Variants in PTPN4 observed in about 807,000 individuals in gnomAD.
PTPN4 encodes the protein tyrosine-protein phosphatase non-receptor type 4.
In PTPN4, 49 loss-of-function variants were observed where a neutral mutation model predicts 135.5. The observed-to-expected ratio is 0.36, with a 90% CI of 0.29 to 0.46. The LOEUF (loss-of-function observed/expected upper bound fraction) is 0.46. Ranked by LOEUF, PTPN4 falls within the 20% of genes least tolerant of loss-of-function variation. The pLI is 1.00. For missense variants in PTPN4, 860 were observed against 1,101.0 expected (o/e 0.78, Z 3.10); for synonymous variants, 333 against 369.9 (o/e 0.90, Z 1.14).
At chr2:119,933,654 C>A (rs1416864104) in intron 14 of PTPN4, among the ~76,000 whole-genome samples, 2 of 147,014 alleles carry the variant, frequency 1.4e-5, no homozygotes, top group Non-Finnish European at 3.0e-5. Flanking sequence ...CAGAGTGAGA[C>A]CCTGTCTCAA....
intron 3 of PTPN4, 125 bp downstream of exon 3, chr2:119,862,768 G>T: frequency 1.6e-6 from 1 of 624,136 alleles, no homozygotes; most frequent in South Asian, 2.9e-5. Flanking sequence ...CTTAAATAGA[G>T]GTAATTCTTT....
intron 1 of PTPN4, among the ~76,000 whole-genome samples, chr2:119,775,011 CT>C (rs375510850): frequency 5.6e-5 from 7 of 125,142 alleles, no homozygotes; most frequent in Non-Finnish European, 1.6e-5. Context: ...AGCGAGACTG[CT>C]AAAAAAAAAA....
intron 10 of PTPN4, among the ~76,000 whole-genome samples, chr2:119,909,340 A>G (rs1678535272): frequency 6.6e-6 from 1 of 152,204 alleles, no homozygotes; most frequent in African/African-American, 2.4e-5. Flanking sequence ...TCCTAAATCT[A>G]CCTTACCTGT....
In PTPN4 at chr2:119,946,341, C is replaced by A; in HGVS notation, c.1516C>A (p.Pro506Thr). ...DIPSSPEKPT[P>T]NGGIPHDNLV... ...AGTTATTTAATTTTGTCTTTTTAAG[C>A]CTAATGGTGGTATTCCACATGATAA... The change falls in exon 17 of 27, where the codon CCT (proline) becomes ACT (threonine). Residue 506 changes from proline to threonine, a missense_variant and splice_region_variant. Physicochemically the swap from Pro to Thr is conservative, Grantham distance 38 (BLOSUM62 -1). Transcript: ENST00000263708. 1 of 1,590,978 alleles carries A rather than the reference C, an allele frequency of 6.3e-7. No homozygotes were observed. Among genetic ancestry groups the A allele is most frequent in the South Asian group, 1.2e-5 (1 of 86,222 alleles).
rs538159136 is a variant in PTPN4, at chr2:119,909,429, T to G, written c.765-5750T>G. ...AGCTTACTGAATATTTTAAGTCCAT[T>G]GTTAAGTCCTACTGCTTAGAAAAAG... is the stretch of plus-strand genomic sequence containing the variant. On this transcript the variant is annotated intron_variant, in intron 10 of 26. Transcript: ENST00000263708. Among the ~76,000 whole-genome samples the G allele has an allele frequency of 2.6e-5, 4 of 152,300 alleles. No homozygotes were observed. In the South Asian group the frequency reaches 8.3e-4, roughly 32 times the overall value.
chr2:119,862,372 A>G (rs1323432957), intron 2 of PTPN4, among the ~76,000 whole-genome samples, 164 bp from the exon 3 acceptor site: 2 of 152,110 alleles, frequency 1.3e-5, no homozygotes, highest in East Asian at 1.9e-4. Flanking sequence ...TTTATATCCT[A>G]CTGCTCAAGG....
intron 24 of PTPN4, 47 bp downstream of exon 24, chr2:119,962,791 A>T: frequency 7.4e-7 from 1 of 1,354,252 alleles, no homozygotes; most frequent in South Asian, 1.8e-5. Context: ...TGTTCAGGGT[A>T]AAGACTGAAA....
At chr2:119,905,437 G>T (rs1310099070) in intron 10 of PTPN4, among the ~76,000 whole-genome samples, 5 of 152,130 alleles carry the variant, frequency 3.3e-5, no homozygotes, top group African/African-American at 9.7e-5. Flanking sequence ...TATAACAATT[G>T]TAAATATGTA....
chr2:119,975,828 A>G (rs1300821010), intron 26 of PTPN4, among the ~76,000 whole-genome samples: 1 of 152,124 alleles, frequency 6.6e-6, no homozygotes, highest in Non-Finnish European at 1.5e-5. Flanking sequence ...GGATTTTAAG[A>G]TTTTTATAAT....
chr2:119,917,691 T>TC (rs1678674573), intron 11 of PTPN4, among the ~76,000 whole-genome samples: 1 of 151,870 alleles, frequency 6.6e-6, no homozygotes. Flanking sequence ...ATCGCACCAC[T>TC]GTACTCCAGC....
intron 9 of PTPN4, among the ~76,000 whole-genome samples, chr2:119,900,090 G>A (rs1678381417): frequency 6.6e-6 from 1 of 152,058 alleles, no homozygotes. Flanking sequence ...TCTCTCATTA[G>A]TGTAGGTTAG....
chr2:119,775,572 A>G (rs1280240419), intron 1 of PTPN4, among the ~76,000 whole-genome samples: 1 of 152,206 alleles, frequency 6.6e-6, no homozygotes, highest in Admixed American at 6.5e-5. Context: ...ATTACACATG[A>G]TACTCTATGG....
At chr2:119,935,020 A>C (rs1678961474) in intron 15 of PTPN4, 62 bp downstream of exon 15, 2 of 1,484,408 alleles carry the variant, frequency 1.3e-6, no homozygotes, top group African/African-American at 2.8e-5. Context: ...CTTTACTTAA[A>C]ATAATCTGGG....
At chr2:119,892,320 A>G (rs1678252270) in intron 9 of PTPN4, among the ~76,000 whole-genome samples, 1 of 152,220 alleles carries the variant, frequency 6.6e-6, no homozygotes, top group Non-Finnish European at 1.5e-5. Flanking sequence ...TGGAGTGTAA[A>G]TAGGTACGTG....
At chr2:119,902,359 C>T (rs1558759497) in intron 10 of PTPN4, among the ~76,000 whole-genome samples, 1 of 152,192 alleles carries the variant, frequency 6.6e-6, no homozygotes, top group Non-Finnish European at 1.5e-5. Flanking sequence ...GAAATAAAGA[C>T]TTTCACACAC....
chr2:119,867,513 T>A (rs1677850270), intron 3 of PTPN4, among the ~76,000 whole-genome samples: 1 of 152,192 alleles, frequency 6.6e-6, no homozygotes, highest in African/African-American at 2.4e-5. Flanking sequence ...GCAAATAGTA[T>A]TGTTGGTTTT....
At chr2:119,930,770 A>C (rs1476474842) in intron 13 of PTPN4, among the ~76,000 whole-genome samples, 4 of 152,092 alleles carry the variant, frequency 2.6e-5, no homozygotes, top group Non-Finnish European at 5.9e-5. Flanking sequence ...AATGTTATTA[A>C]GTTTTAATGT....
chr2:119,863,373 T>A (rs904826850), intron 3 of PTPN4, among the ~76,000 whole-genome samples: 8 of 152,158 alleles, frequency 5.3e-5, no homozygotes, highest in Non-Finnish European at 1.2e-4. Context: ...AGTGAGGGAC[T>A]TCTGCAATAA....
intron 9 of PTPN4, among the ~76,000 whole-genome samples, chr2:119,896,933 GT>G (rs1678332742): frequency 6.6e-6 from 1 of 151,954 alleles, no homozygotes; most frequent in Non-Finnish European, 1.5e-5. Context: ...CGTAAGTTTT[GT>G]TTTTGAAACA....
Sources: gnomAD v4.1 joint callset for allele counts (sites outside exome capture counted in the v4.1 genomes callset) on GRCh38, gnomAD v4.1.1 for gene constraint, MANE v1.5 for transcripts, NCBI Gene and HGNC (gene_info 2026-07-23, HGNC 2026-07-21) for gene names.